Variants in BORA observed in about 807,000 individuals in gnomAD.
BORA encodes the protein BORA aurora kinase A activator.
In BORA, 26 loss-of-function variants were observed where a neutral mutation model predicts 55.8. That is an observed-to-expected ratio of 0.47 (90% confidence interval 0.34 to 0.65). BORA has a LOEUF of 0.65. Ranked by LOEUF, BORA falls within the 30% of genes least tolerant of loss-of-function variation. BORA has a pLI of 0.01. For missense variants in BORA, 568 were observed against 671.5 expected (o/e 0.85, Z 1.70); for synonymous variants, 201 against 216.9 (o/e 0.93, Z 0.64).
intron 10 of BORA, among the ~76,000 whole-genome samples, chr13:72,750,880 A>G (rs562781730): frequency 9.9e-5 from 15 of 152,260 alleles, no homozygotes; most frequent in African/African-American, 3.6e-4. Flanking sequence ...GAGTAGCCGC[A>G]GTAACTCCTC....
At position 72,743,554 on chromosome 13, in the gene BORA, G is replaced by T. The variant is rs753058025; in HGVS notation, c.406G>T (p.Asp136Tyr). ...HSSKCTNINSDSPVGKKLTIH... is the reference protein window; with the variant it reads ...HSSKCTNINSYSPVGKKLTIH... ...TCTTACAGGCACTAACATAAATAGT[G>T]ACTCTCCAGTTGGAAAAAAGCTGAC... Residue 136 changes from aspartate (D) to tyrosine (Y), a missense_variant, in exon 6 of 12, where the codon GAC becomes TAC. By Grantham distance (160) the Asp-to-Tyr change is radical (BLOSUM62 -3). Coordinates refer to ENST00000390667, the MANE Select transcript of BORA (RefSeq NM_024808.5). 1 of 1,610,510 alleles carries T rather than the reference G, an allele frequency of 6.2e-7. No homozygotes were observed. Among genetic ancestry groups the T allele is most frequent in the Non-Finnish European group, 8.5e-7 (1 of 1,177,766 alleles).
chr13:72,728,294 A>G (rs2032730709), intron 1 of BORA: 1 of 649,670 alleles, frequency 1.5e-6, no homozygotes, highest in Non-Finnish European at 2.8e-6. Context: ...GATTGCAAGT[A>G]ATGCAGTCTC....
chr13:72,755,631 G>A lies in BORA; in HGVS notation c.*415G>A. 1 of 369,710 alleles carries A rather than the reference G, an allele frequency of 2.7e-6. No homozygotes were observed. 22.9% of individuals were successfully genotyped at this position (369,710 alleles called of 1,614,324 possible). On this transcript the variant is annotated 3_prime_UTR_variant, in exon 12 of 12. Transcript: ENST00000390667. ...TACATAAAAGCTTGAACATACAGAT[G>A]AATTATAACCTATGTGAAGAAATCT...
intron 10 of BORA, among the ~76,000 whole-genome samples, chr13:72,747,778 C>T (rs977885503): frequency 1.3e-5 from 2 of 152,100 alleles, no homozygotes; most frequent in African/African-American, 4.8e-5. Flanking sequence ...GTTGATCCGC[C>T]CACCTCAGCC....
chr13:72,734,983 A>G lies in BORA; in HGVS notation c.284A>G (p.Lys95Arg), dbSNP rs1159283051. Reference sequence around the variant, plus strand: ...AGAATAGATAAAGATGTGGAAGACAAAAGACAAAAAGCCATTGAAGAGGTA... The same window carrying G: ...AGAATAGATAAAGATGTGGAAGACAGAAGACAAAAAGCCATTGAAGAGGTA... ...HSRIDKDVED[K>R]RQKAIEEFFT... is the part of the protein sequence containing the mutation. Residue 95 changes from lysine to arginine, a missense_variant, in exon 4 of 12, where the codon AAA becomes AGA. Lys to Arg is a conservative substitution (Grantham distance 26). Transcript: ENST00000390667. 1.3e-6 allele frequency: 2 copies of G among 1,589,108 alleles called. No homozygotes were observed. Among genetic ancestry groups the G allele is most frequent in the Admixed American group, 1.7e-5 (1 of 59,512 alleles).
chr13:72,752,524 A>G (rs2033304655), intron 10 of BORA: 1 of 152,230 alleles, frequency 6.6e-6, no homozygotes, highest in Admixed American at 6.5e-5. Flanking sequence ...GTTACATATT[A>G]GTATTGCATT....
chr13:72,736,017 C>T (rs2032919755), intron 4 of BORA, among the ~76,000 whole-genome samples: 1 of 152,044 alleles, frequency 6.6e-6, no homozygotes, highest in Non-Finnish European at 1.5e-5. Context: ...CTCAACCCTC[C>T]TCTGTTCCTT....
At position 72,755,267 on chromosome 13, in the gene BORA, C is replaced by T. The variant is rs376655787; in HGVS notation, c.*51C>T. On this transcript the variant is annotated 3_prime_UTR_variant, in exon 12 of 12. Transcript: ENST00000390667. Reference sequence around the variant, plus strand: ...AAGCTTAAGAGTTCCTCGCATATATCGTTGTGCACAGGATCAACATGATGG... The same window carrying T: ...AAGCTTAAGAGTTCCTCGCATATATTGTTGTGCACAGGATCAACATGATGG... 622 of 1,457,618 alleles carry T rather than the reference C, an allele frequency of 4.3e-4. No homozygotes were observed. Among genetic ancestry groups the T allele is most frequent in the Non-Finnish European group, 5.5e-4 (568 of 1,042,086 alleles). 90.3% of individuals were successfully genotyped at this position (1,457,618 alleles called of 1,614,324 possible). A position where few individuals can be genotyped will look rare whatever the true frequency, so the allele number is the denominator to read the frequency against.
intron 4 of BORA, among the ~76,000 whole-genome samples, chr13:72,736,668 C>T (rs1041484518): frequency 6.6e-6 from 1 of 151,948 alleles, no homozygotes; most frequent in Non-Finnish European, 1.5e-5. Flanking sequence ...GTATATATAT[C>T]TTTATATTCT....
At chr13:72,735,059 A>G (rs2032891252) in intron 4 of BORA, 54 bp downstream of exon 4, 1 of 1,359,860 alleles carries the variant, frequency 7.4e-7, no homozygotes, top group Non-Finnish European at 1.0e-6. Flanking sequence ...TTCTGCATGT[A>G]CATCACTTCT....
intron 3 of BORA, among the ~76,000 whole-genome samples, chr13:72,732,612 G>A (rs1392362493): frequency 6.6e-6 from 1 of 152,124 alleles, no homozygotes; most frequent in Non-Finnish European, 1.5e-5. Flanking sequence ...AGGAGGCAAA[G>A]GTTGCAGTGA....
chr13:72,738,185 G>T, intron 5 of BORA, 142 bp downstream of exon 5: 1 of 394,068 alleles, frequency 2.5e-6, no homozygotes, highest in South Asian at 4.1e-5. Context: ...TCCTTTTAGG[G>T]TTAGAATTAA....
chr13:72,728,921 T>C lies in BORA; in HGVS notation c.-15-5T>C. 6.4e-7 allele frequency: 1 copy of C among 1,562,310 alleles called. No individual in the cohort carries two copies. Among genetic ancestry groups the C allele is most frequent in the Non-Finnish European group, 8.6e-7 (1 of 1,162,744 alleles). On this transcript the variant is annotated splice_region_variant and splice_polypyrimidine_tract_variant and intron_variant, in intron 1 of 11. Coordinates refer to ENST00000390667, the MANE Select transcript of BORA (RefSeq NM_024808.5). ...TTAACATGCATACTCTTGATTTCTT[T>C]TTAGTTTTCTCTCTGTGCTATGGGA...
chr13:72,739,813 C>T (rs1032314527), intron 5 of BORA, among the ~76,000 whole-genome samples: 1 of 152,140 alleles, frequency 6.6e-6, no homozygotes, highest in African/African-American at 2.4e-5. Flanking sequence ...TAGGGGTACA[C>T]AGCATACCTG....
chr13:72,744,446 G>A (rs998628546), intron 6 of BORA, 59 bp from the exon 7 acceptor site: 1 of 1,406,734 alleles, frequency 7.1e-7, no homozygotes, highest in Non-Finnish European at 1.0e-6. Flanking sequence ...ATTGTATAGT[G>A]TATACTTTCA....
At chr13:72,728,374 C>CA (rs2032732473) in intron 1 of BORA, 1 of 599,588 alleles carries the variant, frequency 1.7e-6, no homozygotes, top group African/African-American at 1.9e-5. Context: ...AAGGGGACCC[C>CA]AGGCAGTTAA....
intron 1 of BORA, chr13:72,728,405 A>G (rs954356429): frequency 2.0e-5 from 12 of 594,600 alleles, no homozygotes; most frequent in Non-Finnish European, 3.3e-5. Context: ...CCTGTCAATC[A>G]TACTTCTCTG....
rs1593816581 is a variant in BORA at position 72,746,485 on chromosome 13, C to T, written c.872-16C>T. The T allele has an allele frequency of 3.8e-6, 6 of 1,570,214 alleles. No individual in the cohort carries two copies. Among genetic ancestry groups the T allele is most frequent in the South Asian group, 2.3e-5 (2 of 85,520 alleles). Reference sequence around the variant, plus strand: ...TGTTTTTATGATGTGATTTTTTTTCCCTTCCCACCTTTCAGAACAAAGGAA... The same window carrying T: ...TGTTTTTATGATGTGATTTTTTTTCTCTTCCCACCTTTCAGAACAAAGGAA... On this transcript the variant is annotated splice_polypyrimidine_tract_variant and intron_variant, in intron 9 of 11. Transcript: ENST00000390667.
At chr13:72,739,393 G>C (rs1260583417) in intron 5 of BORA, among the ~76,000 whole-genome samples, 3 of 152,180 alleles carry the variant, frequency 2.0e-5, no homozygotes, top group Non-Finnish European at 4.4e-5. Flanking sequence ...AATAGGATAG[G>C]CTCCAGAGCT....
Sources: allele counts gnomAD v4.1 joint callset (sites outside exome capture counted in the v4.1 genomes callset), GRCh38; gene constraint gnomAD v4.1.1; transcripts MANE v1.5; gene names NCBI Gene and HGNC (gene_info 2026-07-23, HGNC 2026-07-21).